NCKAP5: variants seen among roughly 807,000 people sequenced by gnomAD.
NCKAP5 encodes NCK associated protein 5, also known as nck-associated protein 5.
Under a neutral mutation model 167.0 loss-of-function variants are expected in NCKAP5, and 92 were observed. The observed-to-expected ratio is 0.55, with a 90% CI of 0.47 to 0.66. NCKAP5 has a LOEUF of 0.66. Ranked by LOEUF, NCKAP5 falls within the 30% of genes least tolerant of loss-of-function variation. NCKAP5 has a pLI of 0.00. For missense variants in NCKAP5, 2,378 were observed against 2,315.0 expected, an observed-to-expected ratio of 1.03 and a Z score of -0.56; for synonymous variants, 891 against 877.4, an observed-to-expected ratio of 1.02 and a Z score of -0.27.
the NCKAP5 span, chr2:133,596,164 G>T: frequency 6.3e-6 from 1 of 158,976 alleles, no homozygotes. Context: ...GATCTGGCTG[G>T]CTAGGCGGGT....
At chr2:132,994,475 A>G (rs1167288848) in intron 6 of NCKAP5, among the ~76,000 whole-genome samples, 1 of 152,142 alleles carries the variant, frequency 6.6e-6, no homozygotes, top group Non-Finnish European at 1.5e-5. Flanking sequence ...ATACTTGGAC[A>G]TCTAAACTCA....
chr2:132,737,370 A>G (rs757482717), intron 16 of NCKAP5, among the ~76,000 whole-genome samples: 3 of 152,206 alleles, frequency 2.0e-5, no homozygotes, highest in Non-Finnish European at 2.9e-5. Flanking sequence ...AGGACTTTCT[A>G]CAAGGCTCTC....
chr2:132,791,948 G>A (rs1251012618), intron 12 of NCKAP5, among the ~76,000 whole-genome samples: 2 of 152,312 alleles, frequency 1.3e-5, no homozygotes, highest in South Asian at 4.1e-4. Flanking sequence ...ATAGATGTTG[G>A]GGTAAGATGA....
chr2:133,644,395 T>G, the NCKAP5 span, among the ~76,000 whole-genome samples: 1 of 152,146 alleles, frequency 6.6e-6, no homozygotes, highest in Admixed American at 6.5e-5. Context: ...CATAATCATT[T>G]CCAATTCCAT....
chr2:133,012,744 G>A (rs2078204868), intron 6 of NCKAP5, among the ~76,000 whole-genome samples: 1 of 152,136 alleles, frequency 6.6e-6, no homozygotes. Context: ...CCACACCCCT[G>A]TTTAGGATCT....
the NCKAP5 span, among the ~76,000 whole-genome samples, chr2:133,605,904 G>A: frequency 6.6e-6 from 1 of 152,194 alleles, no homozygotes; most frequent in Non-Finnish European, 1.5e-5. Context: ...CTCCTCTGAG[G>A]CTCTGTGCTT....
chr2:132,729,055 C>A, intron 17 of NCKAP5, 103 bp from the exon 18 acceptor site: 1 of 1,472,570 alleles, frequency 6.8e-7, no homozygotes, highest in Non-Finnish European at 9.2e-7. Flanking sequence ...TAAAAAAGGT[C>A]CAAATACAGT....
chr2:133,103,630 C>A (rs2081588890), intron 6 of NCKAP5, among the ~76,000 whole-genome samples: 1 of 152,100 alleles, frequency 6.6e-6, no homozygotes, highest in Non-Finnish European at 1.5e-5. Context: ...CCTGTCTCTA[C>A]AAAGTTAAAA....
the NCKAP5 span, among the ~76,000 whole-genome samples, chr2:133,590,866 A>G: frequency 6.6e-6 from 1 of 151,782 alleles, no homozygotes; most frequent in Non-Finnish European, 1.5e-5. Context: ...TTTGTTCACA[A>G]AGTAAATGTG....
At chr2:133,212,489 T>C (rs2086252372) in intron 5 of NCKAP5, among the ~76,000 whole-genome samples, 1 of 152,154 alleles carries the variant, frequency 6.6e-6, no homozygotes, top group Non-Finnish European at 1.5e-5. Context: ...TGCCTCAGCT[T>C]CCTGAGTAGC....
At chr2:133,616,100 C>T in the NCKAP5 span, among the ~76,000 whole-genome samples, 1 of 151,482 alleles carries the variant, frequency 6.6e-6, no homozygotes, top group Non-Finnish European at 1.5e-5. Context: ...TCTTTGAAAC[C>T]AACGAGAACA....
chr2:133,533,853 A>T (rs1354990337), intron 2 of NCKAP5, among the ~76,000 whole-genome samples: 3 of 152,276 alleles, frequency 2.0e-5, no homozygotes, highest in African/African-American at 7.2e-5. Context: ...AATTTTATTT[A>T]TTTCTTTAAT....
intron 3 of NCKAP5, among the ~76,000 whole-genome samples, chr2:133,324,551 A>G (rs536477212): frequency 2.5e-4 from 38 of 152,292 alleles, no homozygotes; most frequent in Admixed American, 5.9e-4. Flanking sequence ...TTGCTGAAGC[A>G]CACAGAGGAA....
At chr2:133,461,151 G>T (rs960876011) in intron 3 of NCKAP5, among the ~76,000 whole-genome samples, 5 of 152,190 alleles carry the variant, frequency 3.3e-5, no homozygotes, top group South Asian at 2.1e-4. Flanking sequence ...AATGACAGCA[G>T]GTCTCAGGCA....
At chr2:132,878,806 A>G (rs955319326) in intron 9 of NCKAP5, 42 bp downstream of exon 9, 1 of 1,462,540 alleles carries the variant, frequency 6.8e-7, no homozygotes, top group African/African-American at 1.4e-5. Context: ...GGGAATCCCA[A>G]CTAGTCCAGC....
rs765989595 is a variant in NCKAP5 at position 132,782,592 on chromosome 2, G to C, written c.4219C>G (p.Pro1407Ala). 1.9e-6 allele frequency: 3 copies of C among 1,586,500 alleles called. No homozygotes were observed. The highest frequency in any genetic ancestry group is 2.6e-6 in the Non-Finnish European group (3 of 1,165,908). The change falls in exon 14 of 20, where the codon CCA (proline) becomes GCA (alanine). Residue 1407 changes from proline (P) to alanine (A), a missense_variant. Pro to Ala is a conservative substitution (Grantham distance 27, BLOSUM62 -1). Transcript: ENST00000409261. ...GGGCAACTGCGGCGGTCACTGCCTG[G>C]TTCCCCAAGTACAGCCACATTGGCA... ...PSANVAVLGE[P>A]GSDRRSCPPT...
intron 5 of NCKAP5, among the ~76,000 whole-genome samples, chr2:133,152,683 T>C (rs1485445668): frequency 6.6e-6 from 1 of 152,204 alleles, no homozygotes; most frequent in African/African-American, 2.4e-5. Flanking sequence ...AGAGCCAGTC[T>C]GAAAAGGCTA....
intron 3 of NCKAP5, among the ~76,000 whole-genome samples, chr2:133,413,845 A>G (rs1688934337): frequency 6.6e-6 from 1 of 152,090 alleles, no homozygotes; most frequent in Non-Finnish European, 1.5e-5. Context: ...TTCACTATTT[A>G]TGTTATTTGT....
At chr2:133,331,134 C>A (rs894938025) in intron 3 of NCKAP5, among the ~76,000 whole-genome samples, 1 of 152,146 alleles carries the variant, frequency 6.6e-6, no homozygotes, top group African/African-American at 2.4e-5. Flanking sequence ...TTGACTGATA[C>A]AGAATTTTTT....
Sources: allele counts gnomAD v4.1 joint callset (sites outside exome capture counted in the v4.1 genomes callset), GRCh38; gene constraint gnomAD v4.1.1; transcripts MANE v1.5; gene names NCBI Gene and HGNC (gene_info 2026-07-23, HGNC 2026-07-21).